ACTR1B: variants seen among roughly 807,000 people sequenced by gnomAD.
The protein encoded by ACTR1B is beta-centractin.
Under a neutral mutation model 49.4 loss-of-function variants are expected in ACTR1B, and 34 were observed. The observed-to-expected ratio is 0.69, with a 90% CI of 0.52 to 0.92. The LOEUF (loss-of-function observed/expected upper bound fraction) is 0.92. Ranked by LOEUF, ACTR1B falls within the 40% of genes least tolerant of loss-of-function variation. The pLI is 0.00. For synonymous variants in ACTR1B, 207 were observed against 207.8 expected (o/e 1.00, Z 0.03); for missense variants, 471 against 522.4 (o/e 0.90, Z 0.96).
In ACTR1B at chr2:97,656,758, G is replaced by A. The variant is rs1038777341; in HGVS notation, c.*100C>T. On this transcript the variant is annotated 3_prime_UTR_variant, in exon 11 of 11. Transcript: ENST00000289228. ...CCCACCCAGGGGTTCAGGGCATGCAGGGGACCCTAAGCCTAGTATACGAGC... is the reference window on the plus strand; with the variant it reads ...CCCACCCAGGGGTTCAGGGCATGCAAGGGACCCTAAGCCTAGTATACGAGC... 52 of 980,104 alleles carry A rather than the reference G, an allele frequency of 5.3e-5. No individual in the cohort carries two copies. Among genetic ancestry groups the A allele is most frequent in the Non-Finnish European group, 7.7e-5 (49 of 637,400 alleles). The allele number at this position is 980,104 out of a possible 1,614,324, so 60.7% of individuals were successfully genotyped here. A position where few individuals can be genotyped will look rare whatever the true frequency, so the allele number is the denominator to read the frequency against.
In ACTR1B at chr2:97,657,489, T is replaced by C. The variant is rs551766583; in HGVS notation, c.946A>G (p.Ser316Gly). 6.2e-7 allele frequency: 1 copy of C among 1,614,218 alleles called. No homozygotes were observed. The highest frequency in any genetic ancestry group is 1.1e-5 in the South Asian group (1 of 91,086). ...LFKGFGDRLLSEVKKLAPKDI... is the reference protein window; with the variant it reads ...LFKGFGDRLLGEVKKLAPKDI... ...TTTGGGGCAAGCTTCTTCACTTCAC[T>C]GAGTAATCGGTCTCCGAAGCCTGTG... The change falls in exon 9 of 11, where the codon AGT becomes GGT. Residue 316 changes from serine to glycine, a missense_variant. Transcript: ENST00000289228.
chr2:97,663,227 A>G (rs1410026404), intron 1 of ACTR1B, among the ~76,000 whole-genome samples: 1 of 152,096 alleles, frequency 6.6e-6, no homozygotes, highest in Non-Finnish European at 1.5e-5. Flanking sequence ...GATCACCCCA[A>G]ATTGCTTGCT....
chr2:97,656,827 C>A lies in ACTR1B; in HGVS notation c.*31G>T, dbSNP rs11547232. ...AAGGCTCTGTCTCCCCTCCCTCCCC[C>A]TCTCCCAACATGCCCCGCCCTCCTT... On this transcript the variant is annotated 3_prime_UTR_variant, in exon 11 of 11. Coordinates refer to ENST00000289228, the MANE Select transcript of ACTR1B (RefSeq NM_005735.4). The A allele has an allele frequency of 2.2e-5, 33 of 1,532,992 alleles. No individual in the cohort carries two copies. The South Asian group carries it at 3.6e-4, about 17-fold the overall frequency. 95.0% of individuals were successfully genotyped at this position (1,532,992 alleles called of 1,614,324 possible).
rs781453544 is a variant in ACTR1B at position 97,658,108 on chromosome 2, C to T, written c.760G>A (p.Ala254Thr). Reference sequence around the variant, plus strand: ...AGCAGCTCGGGGGCCCGGAATCGTGCAGGCCCCACCTTTAGTGTACAAGAT... The same window carrying T: ...AGCAGCTCGGGGGCCCGGAATCGTGTAGGCCCCACCTTTAGTGTACAAGAT... Reference protein sequence around the residue: ...PDGSTLDVGPARFRAPELLFQ... With the variant: ...PDGSTLDVGPTRFRAPELLFQ... The change falls in exon 8 of 11, where the codon GCA becomes ACA. Residue 254 changes from alanine (A) to threonine (T), a missense_variant. Transcript: ENST00000289228. The surrounding 1 kb of genome is among the most constrained non-coding windows in gnomAD (Gnocchi z 5.9). 6.2e-7 allele frequency: 1 copy of T among 1,613,918 alleles called. No individual in the cohort carries two copies. Among genetic ancestry groups the T allele is most frequent in the East Asian group, 2.2e-5 (1 of 44,880 alleles).
intron 8 of ACTR1B, 40 bp downstream of exon 8, chr2:97,657,903 G>A (rs893350580): frequency 6.2e-7 from 1 of 1,603,178 alleles, no homozygotes; most frequent in Non-Finnish European, 8.5e-7. Flanking sequence ...CAGCTGCCCT[G>A]GGCCTCGTCT....
Position 97,656,733 on chromosome 2 carries a change from C to T in ACTR1B, c.*125G>A. 2 of 752,024 alleles carry T rather than the reference C, an allele frequency of 2.7e-6. No homozygotes were observed. The allele number at this position is 752,024 out of a possible 1,614,324, so 46.6% of individuals were successfully genotyped here. A position where few individuals can be genotyped will look rare whatever the true frequency, so the allele number is the denominator to read the frequency against. On this transcript the variant is annotated 3_prime_UTR_variant, in exon 11 of 11. Coordinates refer to ENST00000289228, the MANE Select transcript of ACTR1B (RefSeq NM_005735.4). Reference sequence around the variant, plus strand: ...GCTGCAGGGGGGCACTGCTGTGCCACCCACCCAGGGGTTCAGGGCATGCAG... The same window carrying T: ...GCTGCAGGGGGGCACTGCTGTGCCATCCACCCAGGGGTTCAGGGCATGCAG...
At chr2:97,663,712 G>A in intron 1 of ACTR1B, 131 bp downstream of exon 1, 1 of 364,694 alleles carries the variant, frequency 2.7e-6, no homozygotes, top group South Asian at 1.1e-4. Flanking sequence ...GGCGAAGCCA[G>A]CGGCCCGGCG....
At position 97,657,945 on chromosome 2, in the gene ACTR1B, T is replaced by C. The variant is rs758401310; in HGVS notation, c.923A>G (p.Lys308Arg). 3.1e-6 allele frequency: 5 copies of C among 1,613,930 alleles called. No individual in the cohort carries two copies. Among genetic ancestry groups the C allele is most frequent in the Non-Finnish European group, 3.4e-6 (4 of 1,179,900 alleles). Residue 308 changes from lysine (K) to arginine (R), a missense_variant and splice_region_variant, in exon 8 of 11, where the codon AAA (lysine) becomes AGA (arginine). Physicochemically the swap from Lys to Arg is conservative, Grantham distance 26. Transcript: ENST00000289228. The stretch of plus-strand genomic sequence containing the variant: ...CACCAACTCTCAAGCCACAGTACCT[T>C]TGAAAAGCGTTGAGCCACCTGAGAG... ...IVLSGGSTLF[K>R]GFGDRLLSEV... is the part of the protein sequence containing the mutation.
Position 97,659,008 on chromosome 2 carries a change from G to A in ACTR1B, c.316-5C>T, listed in dbSNP as rs754426436. ...CTCCGTGAGGAGCACAGGATGCTGC[G>A]AGGGACGGGACAGTTGTAGGCATCA... On this transcript the variant is annotated splice_region_variant and splice_polypyrimidine_tract_variant and intron_variant, in intron 4 of 10. Coordinates refer to ENST00000289228, the MANE Select transcript of ACTR1B (RefSeq NM_005735.4). The surrounding 1 kb of genome is among the most constrained non-coding windows in gnomAD (Gnocchi z 4.0). 26 of 1,613,940 alleles carry A rather than the reference G, an allele frequency of 1.6e-5. No homozygotes were observed. Among genetic ancestry groups the A allele is most frequent in the African/African-American group, 5.3e-5 (4 of 74,928 alleles).
Position 97,657,930 on chromosome 2 carries a change from C to T in ACTR1B, c.925+13G>A. 6.2e-7 allele frequency: 1 copy of T among 1,612,618 alleles called. No individual in the cohort carries two copies. Among genetic ancestry groups the T allele is most frequent in the Non-Finnish European group, 8.5e-7 (1 of 1,179,060 alleles). ...GCCTCGTCTCACCACCACCAACTCTCAAGCCACAGTACCTTTGAAAAGCGT... is the reference window on the plus strand; with the variant it reads ...GCCTCGTCTCACCACCACCAACTCTTAAGCCACAGTACCTTTGAAAAGCGT... On this transcript the variant is annotated intron_variant, in intron 8 of 10. Coordinates refer to ENST00000289228, the MANE Select transcript of ACTR1B (RefSeq NM_005735.4).
In ACTR1B at chr2:97,656,800, TA is replaced by T; in HGVS notation, c.*57del. On this transcript the variant is annotated 3_prime_UTR_variant, in exon 11 of 11. Coordinates refer to ENST00000289228, the MANE Select transcript of ACTR1B (RefSeq NM_005735.4). Reference sequence around the variant, plus strand: ...TATACGAGCCAAGACCAAAAAGGGTTAAAGGCTCTGTCTCCCCTCCCTCCCC... The same window carrying T: ...TATACGAGCCAAGACCAAAAAGGGTTAAGGCTCTGTCTCCCCTCCCTCCCC... The T allele has an allele frequency of 6.9e-7, 1 of 1,446,088 alleles. No homozygotes were observed. The highest frequency in any genetic ancestry group is 9.5e-7 in the Non-Finnish European group (1 of 1,051,302). 89.6% of individuals were successfully genotyped at this position (1,446,088 alleles called of 1,614,324 possible). A position where few individuals can be genotyped will look rare whatever the true frequency, so the allele number is the denominator to read the frequency against.
At chr2:97,660,313 T>A (rs1043946291) in intron 3 of ACTR1B, among the ~76,000 whole-genome samples, 2 of 152,230 alleles carry the variant, frequency 1.3e-5, no homozygotes, top group Non-Finnish European at 2.9e-5. Flanking sequence ...ATTCTGACTC[T>A]TATATCACTT....
At position 97,659,096 on chromosome 2, in the gene ACTR1B, G is replaced by A; in HGVS notation, c.316-93C>T. Reference sequence around the variant, plus strand: ...AGAGAACCACACCCGCTGGCGCACAGGCAGCTCAGCCTCCTACCCCTCCTG... The same window carrying A: ...AGAGAACCACACCCGCTGGCGCACAAGCAGCTCAGCCTCCTACCCCTCCTG... On this transcript the variant is annotated intron_variant, in intron 4 of 10. Transcript: ENST00000289228. The surrounding 1 kb of genome is among the most constrained non-coding windows in gnomAD (Gnocchi z 4.0). 1.3e-6 allele frequency: 2 copies of A among 1,583,780 alleles called. No individual in the cohort carries two copies. The highest frequency in any genetic ancestry group is 1.7e-6 in the Non-Finnish European group (2 of 1,160,550).
At position 97,663,942 on chromosome 2, in the gene ACTR1B, T is replaced by A; in HGVS notation, c.-52A>T. On this transcript the variant is annotated 5_prime_UTR_variant, in exon 1 of 11. Coordinates refer to ENST00000289228, the MANE Select transcript of ACTR1B (RefSeq NM_005735.4). ...CAGGCGGGCTGCAGGAGGCACCGGATGGGCGGGCGGGCGGGAGGACCGGGA... is the reference window on the plus strand; with the variant it reads ...CAGGCGGGCTGCAGGAGGCACCGGAAGGGCGGGCGGGCGGGAGGACCGGGA... The A allele has an allele frequency of 5.3e-6, 1 of 190,264 alleles. No individual in the cohort carries two copies. The highest frequency in any genetic ancestry group is 1.1e-5 in the Non-Finnish European group (1 of 91,980). The allele number at this position is 190,264 out of a possible 1,614,324, so 11.8% of individuals were successfully genotyped here.
chr2:97,661,961 A>G lies in ACTR1B; in HGVS notation c.49-15T>C, dbSNP rs554070863. On this transcript the variant is annotated splice_polypyrimidine_tract_variant and intron_variant, in intron 1 of 10. Coordinates refer to ENST00000289228, the MANE Select transcript of ACTR1B (RefSeq NM_005735.4). ...ACCCCCGAACCCTGCAAGGAAAAACAAAGTTGAGCTGCCCACATGCACCAC... is the reference window on the plus strand; with the variant it reads ...ACCCCCGAACCCTGCAAGGAAAAACGAAGTTGAGCTGCCCACATGCACCAC... 1.9e-6 allele frequency: 3 copies of G among 1,578,870 alleles called. No homozygotes were observed. The highest frequency in any genetic ancestry group is 2.3e-5 in the South Asian group (2 of 86,368).
Position 97,658,052 on chromosome 2 carries a change from ACT to A in ACTR1B, c.814_815del (p.Ser272Ter), listed in dbSNP as rs1488140950. 2 of 1,613,982 alleles carry A rather than the reference ACT, an allele frequency of 1.2e-6. No homozygotes were observed. The highest frequency in any genetic ancestry group is 1.7e-6 in the Non-Finnish European group (2 of 1,179,976). ...LFQPDLVGDE[S>X]EGLHEVVAFA... ...AGGCCACCACCTCATGGAGCCCCTC[ACT>A]CTCATCCCCGACAAGGTCCGGCTGG... On this transcript the variant is annotated frameshift_variant, in exon 8 of 11. Transcript: ENST00000289228. LOFTEE classifies it high-confidence loss of function. This position sits in a 1 kb window ranked among gnomAD's most constrained non-coding sequence, Gnocchi z 5.9.
chr2:97,661,965 T>C lies in ACTR1B; in HGVS notation c.49-19A>G, dbSNP rs760171178. 7 of 1,575,944 alleles carry C rather than the reference T, an allele frequency of 4.4e-6. No individual in the cohort carries two copies. In the South Asian group the frequency reaches 5.8e-5, roughly 13 times the overall value. On this transcript the variant is annotated intron_variant, in intron 1 of 10. Transcript: ENST00000289228. ...CCGAACCCTGCAAGGAAAAACAAAG[T>C]TGAGCTGCCCACATGCACCACCAGA...
Position 97,659,817 on chromosome 2 carries a change from C to T in ACTR1B, c.190-340G>A. 2.8e-6 allele frequency: 1 copy of T among 361,430 alleles called. No individual in the cohort carries two copies. The highest frequency in any genetic ancestry group is 5.1e-6 in the Non-Finnish European group (1 of 195,404). 22.4% of individuals were successfully genotyped at this position (361,430 alleles called of 1,614,324 possible). ...TCACACTCTGCCAGCTCCCCTCTGG[C>T]CAGCGCCGGCACCTTGCAGCCGCCC... On this transcript the variant is annotated intron_variant, in intron 3 of 10. Transcript: ENST00000289228. The surrounding 1 kb of genome is among the most constrained non-coding windows in gnomAD (Gnocchi z 4.0).
chr2:97,658,255 T>G lies in ACTR1B; in HGVS notation c.719A>C (p.Gln240Pro), dbSNP rs762269186. The part of the protein sequence containing the change: ...KDEALETEKV[Q>P]YTLPDGSTLD... Reference sequence around the variant, plus strand: ...CGTGCTGCCGTCTGGCAACGTGTACTGCACCTTCTCCGTCTCCAGAGCCTC... The same window carrying G: ...CGTGCTGCCGTCTGGCAACGTGTACGGCACCTTCTCCGTCTCCAGAGCCTC... Residue 240 changes from glutamine (Q) to proline (P), a missense_variant, in exon 7 of 11, where the codon CAG (glutamine) becomes CCG (proline). Physicochemically the swap from Gln to Pro is moderately conservative, Grantham distance 76. Transcript: ENST00000289228. This position sits in a 1 kb window ranked among gnomAD's most constrained non-coding sequence, Gnocchi z 5.9. The G allele has an allele frequency of 5.0e-6, 8 of 1,614,096 alleles. No homozygotes were observed. Among genetic ancestry groups the G allele is most frequent in the Middle Eastern group, 1.6e-4 (1 of 6,084 alleles).
Sources: allele counts gnomAD v4.1 joint callset (sites outside exome capture counted in the v4.1 genomes callset), GRCh38; gene constraint gnomAD v4.1.1; non-coding constraint Gnocchi (gnomAD v3.1); transcripts MANE v1.5; gene names NCBI Gene and HGNC (gene_info 2026-07-23, HGNC 2026-07-21).